Variants in MMP26 observed in about 807,000 individuals in gnomAD.
The protein encoded by MMP26 is matrix metallopeptidase 26.
Under a neutral mutation model 31.0 loss-of-function variants are expected in MMP26, and 33 were observed. The ratio of observed to expected loss-of-function variants is 1.06; its 90% CI spans 0.81 to 1.42. The LOEUF (loss-of-function observed/expected upper bound fraction) is 1.42. Among genes scored for constraint, MMP26 ranks in the 40% most tolerant of loss-of-function variants. The probability of loss-of-function intolerance (pLI) is 0.00; values close to 1 mark genes in which losing one functional copy is unlikely to be tolerated. For synonymous variants in MMP26, 122 were observed against 114.9 expected (o/e 1.06, Z -0.40); for missense variants, 347 against 316.1 (o/e 1.10, Z -0.74).
intron 2 of MMP26, chr11:4,944,019 AG>A: frequency 2.4e-6 from 1 of 424,622 alleles, no homozygotes; most frequent in Non-Finnish European, 4.6e-6. Context: ...GCACACTGGG[AG>A]AATATGAGCT....
intron 2 of MMP26, chr11:4,915,243 G>A: frequency 6.2e-7 from 1 of 1,614,002 alleles, no homozygotes; most frequent in Non-Finnish European, 8.5e-7. Context: ...GTGTTGGTGA[G>A]AATGGAAACA....
At chr11:4,729,725 G>A (rs956415213) in intron 1 of MMP26, among the ~76,000 whole-genome samples, 11 of 150,718 alleles carry the variant, frequency 7.3e-5, no homozygotes, top group Admixed American at 5.3e-4. Context: ...TAACAGGTGT[G>A]AGCATATATA....
intron 2 of MMP26, chr11:4,859,602 C>A (rs1850111448): frequency 4.9e-6 from 2 of 405,032 alleles, no homozygotes; most frequent in Admixed American, 6.0e-5. Context: ...ACACATGATT[C>A]CATTCTACTA....
chr11:4,798,146 T>G (rs1849132310), intron 2 of MMP26, among the ~76,000 whole-genome samples: 1 of 152,208 alleles, frequency 6.6e-6, no homozygotes, highest in Admixed American at 6.5e-5. Flanking sequence ...AAGATAGACA[T>G]GTTGAGAACT....
At chr11:4,957,191 A>G (rs1846455870) in intron 2 of MMP26, among the ~76,000 whole-genome samples, 1 of 152,222 alleles carries the variant, frequency 6.6e-6, no homozygotes, top group African/African-American at 2.4e-5. Flanking sequence ...TTTTTAAATT[A>G]AGATACACAC....
Position 4,989,756 on chromosome 11 carries a change from G to C in MMP26, c.208G>C (p.Asp70His). Reference sequence around the variant, plus strand: ...CCATCGGAATGGGACAGACCTACTTGACATGCAGATGCATGCTCTGCTACA... The same window carrying C: ...CCATCGGAATGGGACAGACCTACTTCACATGCAGATGCATGCTCTGCTACA... ...QFHRNGTDLL[D>H]MQMHALLHQP... is the part of the protein sequence containing the mutation. The change falls in exon 4 of 8, where the codon GAC becomes CAC. Residue 70 changes from aspartate (D) to histidine (H), a missense_variant. Physicochemically the swap from Asp to His is moderately conservative, Grantham distance 81. Transcript: ENST00000380390. The C allele has an allele frequency of 1.9e-6, 3 of 1,614,004 alleles. No individual in the cohort carries two copies. The highest frequency in any genetic ancestry group is 2.5e-6 in the Non-Finnish European group (3 of 1,180,028).
chr11:4,716,563 G>C (rs894007295), intron 1 of MMP26, among the ~76,000 whole-genome samples: 1 of 146,156 alleles, frequency 6.8e-6, no homozygotes, highest in African/African-American at 2.5e-5. Flanking sequence ...GGGATAAATT[G>C]CATGTTTATA....
chr11:4,992,381 G>A lies in MMP26; in HGVS notation c.*139G>A, dbSNP rs528697118. 4.2e-5 allele frequency: 31 copies of A among 744,380 alleles called. No homozygotes were observed. The highest frequency in any genetic ancestry group is 6.0e-5 in the Non-Finnish European group (27 of 451,930). 46.1% of individuals were successfully genotyped at this position (744,380 alleles called of 1,614,324 possible). A position where few individuals can be genotyped will look rare whatever the true frequency, so the allele number is the denominator to read the frequency against. On this transcript the variant is annotated 3_prime_UTR_variant, in exon 8 of 8. Coordinates refer to ENST00000380390, the MANE Select transcript of MMP26 (RefSeq NM_021801.5). The stretch of plus-strand genomic sequence containing the variant: ...GCAACCTAGTCAGGTTAGCTGAACC[G>A]ACACTCAAAACGCTACTGAGTCACA...
At position 4,896,674 on chromosome 11, in the gene MMP26, C is replaced by T. The variant is rs73405023; in HGVS notation, c.-144-91394C>T. Among the ~76,000 whole-genome samples, 821 of 152,214 alleles carry T rather than the reference C, an allele frequency of 5.4e-3. 14 individuals carry two copies. The highest frequency in any genetic ancestry group is 0.019 in the African/African-American group (775 of 41,546). On this transcript the variant is annotated intron_variant, in intron 2 of 7. Transcript: ENST00000380390. ...GCTGCTTCTTTTTTCTTACAATCAACGAGGTGTTTTCCCTTTTTTATGAAT... is the reference window on the plus strand; with the variant it reads ...GCTGCTTCTTTTTTCTTACAATCAATGAGGTGTTTTCCCTTTTTTATGAAT...
At chr11:4,733,662 A>G (rs1848202241) in intron 1 of MMP26, among the ~76,000 whole-genome samples, 2 of 152,134 alleles carry the variant, frequency 1.3e-5, no homozygotes, top group African/African-American at 4.8e-5. Context: ...CTTTCCCTGG[A>G]TTTTATTTCC....
chr11:4,989,984 C>G (rs1846973438), intron 4 of MMP26, 116 bp downstream of exon 4: 1 of 762,662 alleles, frequency 1.3e-6, no homozygotes, highest in Non-Finnish European at 2.1e-6. Context: ...GCAGCCCGCT[C>G]AAAGCCCAAA....
chr11:4,879,833 G>A (rs1850433202), intron 2 of MMP26, among the ~76,000 whole-genome samples: 1 of 152,138 alleles, frequency 6.6e-6, no homozygotes, highest in East Asian at 1.9e-4. Flanking sequence ...AGACCTCTTA[G>A]GAAGAGGATA....
intron 2 of MMP26, chr11:4,877,344 T>A (rs1050744581): frequency 1.1e-4 from 17 of 152,252 alleles, no homozygotes; most frequent in African/African-American, 3.6e-4. Flanking sequence ...TGACCCTAAT[T>A]CATCGCTATG....
intron 2 of MMP26, among the ~76,000 whole-genome samples, chr11:4,928,333 C>G: frequency 6.6e-6 from 1 of 152,102 alleles, no homozygotes; most frequent in East Asian, 1.9e-4. Context: ...ATTGGCCATT[C>G]TTTGTGTTTT....
At chr11:4,915,112 A>G (rs774534294) in intron 2 of MMP26, 1 of 1,614,064 alleles carries the variant, frequency 6.2e-7, no homozygotes, top group Admixed American at 1.7e-5. Flanking sequence ...CTTGGTGGAG[A>G]CAATAAGAAT....
At chr11:4,837,768 G>C (rs187342713) in intron 2 of MMP26, among the ~76,000 whole-genome samples, 191 of 152,132 alleles carry the variant, frequency 1.3e-3, no homozygotes, top group African/African-American at 4.1e-3. Context: ...CAGTGTGCAG[G>C]AGACAGCAGG....
chr11:4,735,790 C>T (rs1485332955), intron 1 of MMP26, among the ~76,000 whole-genome samples: 1 of 150,624 alleles, frequency 6.6e-6, no homozygotes, highest in Admixed American at 6.6e-5. Flanking sequence ...AAGTAAAAAA[C>T]ACTTAATAAT....
At chr11:4,731,008 G>A (rs532836111) in intron 1 of MMP26, among the ~76,000 whole-genome samples, 4 of 152,140 alleles carry the variant, frequency 2.6e-5, no homozygotes, top group Non-Finnish European at 4.4e-5. Context: ...GCAATGGTGC[G>A]ATCTTGGTTC....
chr11:4,885,742 T>C (rs1309908000), intron 2 of MMP26, among the ~76,000 whole-genome samples: 4 of 152,106 alleles, frequency 2.6e-5, no homozygotes, highest in African/African-American at 4.8e-5. Context: ...AAGATAATAG[T>C]TTACATGCAA....
Sources: gnomAD v4.1 joint callset for allele counts (sites outside exome capture counted in the v4.1 genomes callset) on GRCh38, gnomAD v4.1.1 for gene constraint, MANE v1.5 for transcripts, NCBI Gene and HGNC (gene_info 2026-07-23, HGNC 2026-07-21) for gene names.